Variants in MBD2 observed in about 807,000 individuals in gnomAD.
MBD2 encodes the protein methyl-CpG-binding domain protein 2.
In MBD2, 9 loss-of-function variants were observed where a neutral mutation model predicts 39.3. The observed-to-expected ratio is 0.23, with a 90% CI of 0.14 to 0.40. MBD2 has a LOEUF of 0.40. MBD2 is among the 10% of genes least tolerant of loss of function. The pLI is 1.00. For synonymous variants in MBD2, 233 were observed against 211.1 expected (o/e 1.10, Z -0.90); for missense variants, 458 against 532.6 (o/e 0.86, Z 1.38).
At chr18:54,188,681 AC>A (rs1236343244) in intron 3 of MBD2, among the ~76,000 whole-genome samples, 192 bp downstream of exon 3, 1 of 152,224 alleles carries the variant, frequency 6.6e-6, no homozygotes, top group Non-Finnish European at 1.5e-5. Flanking sequence ...TTCATTATTA[AC>A]TTCTTAAATT....
intron 2 of MBD2, among the ~76,000 whole-genome samples, chr18:54,199,298 C>G (rs1020738430): frequency 6.6e-6 from 1 of 152,142 alleles, no homozygotes; most frequent in Non-Finnish European, 1.5e-5. Flanking sequence ...TAGACAAAGT[C>G]TTTATCCTCC....
At chr18:54,216,401 T>C (rs1299864534) in intron 1 of MBD2, among the ~76,000 whole-genome samples, 2 of 152,256 alleles carry the variant, frequency 1.3e-5, no homozygotes, top group African/African-American at 4.8e-5. Context: ...ATGTATTTAC[T>C]GTTTGCTTCA....
intron 1 of MBD2, among the ~76,000 whole-genome samples, chr18:54,221,002 C>T (rs1051228370): frequency 6.6e-5 from 10 of 152,148 alleles, no homozygotes; most frequent in African/African-American, 2.4e-4. Context: ...ACAGGTTTGG[C>T]ACAAATCTGT....
At chr18:54,195,965 C>T (rs191977760) in intron 2 of MBD2, among the ~76,000 whole-genome samples, 97 of 152,224 alleles carry the variant, frequency 6.4e-4, no homozygotes, top group Middle Eastern at 3.4e-3. Flanking sequence ...AGATTTGCTC[C>T]AGAATATATA....
intron 3 of MBD2, among the ~76,000 whole-genome samples, chr18:54,186,856 G>A (rs1025348521): frequency 6.6e-6 from 1 of 152,212 alleles, no homozygotes; most frequent in Non-Finnish European, 1.5e-5. Context: ...GGGTTGAAAT[G>A]ACGTAAGTTT....
At chr18:54,219,675 A>G (rs527797436) in intron 1 of MBD2, among the ~76,000 whole-genome samples, 3 of 152,210 alleles carry the variant, frequency 2.0e-5, no homozygotes, top group South Asian at 2.1e-4. Context: ...GGGTCCATTT[A>G]TTTTTTGTTT....
chr18:54,215,423 A>T (rs897705948), intron 1 of MBD2, among the ~76,000 whole-genome samples: 6 of 152,206 alleles, frequency 3.9e-5, no homozygotes, highest in Admixed American at 6.5e-5. Flanking sequence ...AACAAAAAAT[A>T]AATTAGTTAA....
In MBD2 at chr18:54,159,813, C is replaced by A. The variant is rs1296349034; in HGVS notation, c.1200G>T (p.Glu400Asp). The change falls in exon 6 of 7, where the codon GAG becomes GAT. Residue 400 changes from glutamate to aspartate, a missense_variant. By Grantham distance (45) the Glu-to-Asp change is conservative (BLOSUM62 2). This residue lies in a region of MBD2 where 189 missense variants were observed against 296.6 expected (regional missense o/e 0.64). Coordinates refer to ENST00000256429, the MANE Select transcript of MBD2 (RefSeq NM_003927.5). ...CTCCACTGTCCATTTCAATATCCAT[C>A]TCTTCTGTATCAGCAGCTCGCGACA... ...DILSRAADTE[E>D]MDIEMDSGDE... The A allele has an allele frequency of 6.2e-7, 1 of 1,612,336 alleles. No individual in the cohort carries two copies. The highest frequency in any genetic ancestry group is 2.2e-5 in the East Asian group (1 of 44,888).
At chr18:54,218,789 C>T (rs879431079) in intron 1 of MBD2, among the ~76,000 whole-genome samples, 1 of 152,118 alleles carries the variant, frequency 6.6e-6, no homozygotes, top group South Asian at 2.1e-4. Context: ...GGTGAAACTC[C>T]GTCTCTAACT....
intron 1 of MBD2, among the ~76,000 whole-genome samples, chr18:54,219,605 T>C (rs541703613): frequency 6.6e-6 from 1 of 152,334 alleles, no homozygotes. Context: ...GTAAGAACTA[T>C]GACAATAGTC....
chr18:54,180,897 C>CTTTTTTTTTTTTTTTTTTTTT (rs1211071727), intron 3 of MBD2, among the ~76,000 whole-genome samples: 9 of 105,368 alleles, frequency 8.5e-5, no homozygotes, highest in South Asian at 3.0e-4. Context: ...TTAATTTTTT[C>CTTTTTTTTTTTTTTTTTTTTT]TTTTTCTTTT....
chr18:54,171,287 C>T (rs1159570826), intron 3 of MBD2, among the ~76,000 whole-genome samples: 2 of 151,960 alleles, frequency 1.3e-5, no homozygotes, highest in African/African-American at 4.8e-5. Flanking sequence ...TGTAATGCTA[C>T]TCAGGAAGCT....
intron 3 of MBD2, 130 bp downstream of exon 3, chr18:54,188,744 T>C (rs1044291900): frequency 7.6e-6 from 7 of 923,462 alleles, no homozygotes; most frequent in Non-Finnish European, 7.9e-6. Flanking sequence ...ATTCATGTAA[T>C]AGCCTAGGAC....
chr18:54,159,144 T>C (rs894679372), intron 6 of MBD2, among the ~76,000 whole-genome samples: 1 of 152,158 alleles, frequency 6.6e-6, no homozygotes, highest in African/African-American at 2.4e-5. Flanking sequence ...CCTCCCTACA[T>C]GACAAAGTCC....
intron 1 of MBD2, among the ~76,000 whole-genome samples, chr18:54,212,899 G>T (rs2086520968): frequency 6.6e-6 from 1 of 151,766 alleles, no homozygotes; most frequent in Non-Finnish European, 1.5e-5. Context: ...GAGCATGGTG[G>T]CACGTGCCTG....
intron 3 of MBD2, among the ~76,000 whole-genome samples, chr18:54,175,818 C>A (rs2086208939): frequency 6.6e-6 from 1 of 152,174 alleles, no homozygotes; most frequent in Non-Finnish European, 1.5e-5. Context: ...TTCACTGATA[C>A]ATTCGCCTGC....
At chr18:54,218,676 T>C (rs2144353588) in intron 1 of MBD2, among the ~76,000 whole-genome samples, 1 of 152,296 alleles carries the variant, frequency 6.6e-6, no homozygotes, top group South Asian at 2.1e-4. Flanking sequence ...GAATCCAGTA[T>C]GATAGGCTGG....
rs147119140 is a variant in MBD2 at position 54,194,557 on chromosome 18, G to GTATATATATATATATA, written c.703-5547_703-5546insTATATATATATATATA. On this transcript the variant is annotated intron_variant, in intron 2 of 6. Transcript: ENST00000256429. ...ACATATATAGAAGTTGTGTGTGTGT[G>GTATATATATATATATA]TATATATATATATATGTAGCTTAAT... Among the ~76,000 whole-genome samples, 1,311 of 148,716 alleles carry GTATATATATATATATA rather than the reference G, an allele frequency of 8.8e-3. 14 individuals carry two copies. Among genetic ancestry groups the GTATATATATATATATA allele is most frequent in the African/African-American group, 0.03 (1,232 of 40,524 alleles).
At position 54,196,173 on chromosome 18, in the gene MBD2, T is replaced by C. The variant is rs554530798; in HGVS notation, c.703-7162A>G. 2.8e-4 allele frequency among the ~76,000 whole-genome samples: 42 copies of C among 152,292 alleles called. 1 individual carries two copies. In the Middle Eastern group the frequency reaches 0.027, roughly 99 times the overall value. On this transcript the variant is annotated intron_variant, in intron 2 of 6. Transcript: ENST00000256429. Reference sequence around the variant, plus strand: ...GTTTTTACAAAAAGTAAAGAAAAAATTATCTGGTACCCATGATGTCTATGC... The same window carrying C: ...GTTTTTACAAAAAGTAAAGAAAAAACTATCTGGTACCCATGATGTCTATGC...
Sources: gnomAD v4.1 joint callset for allele counts (sites outside exome capture counted in the v4.1 genomes callset) on GRCh38, gnomAD v4.1.1 for gene constraint, gnomAD v4.1.1 regional missense constraint, MANE v1.5 for transcripts, NCBI Gene and HGNC (gene_info 2026-07-23, HGNC 2026-07-21) for gene names.